The following MYBBP1A variants were observed in gnomAD, a reference collection of about 807,000 sequenced individuals.
MYBBP1A encodes the protein myb-binding protein 1A.
Under a neutral mutation model 136.3 loss-of-function variants are expected in MYBBP1A, and 147 were observed. The observed-to-expected ratio is 1.08, with a 90% CI of 0.94 to 1.24. The LOEUF (loss-of-function observed/expected upper bound fraction) is 1.24. Among genes scored for constraint, MYBBP1A ranks in the 50% most tolerant of loss-of-function variants. The pLI is 0.00. For synonymous variants in MYBBP1A, 947 were observed against 735.8 expected, an observed-to-expected ratio of 1.29 and a Z score of -4.65; for missense variants, 2,060 against 1,727.4, an observed-to-expected ratio of 1.19 and a Z score of -3.41.
In MYBBP1A at chr17:4,544,490, T is replaced by C; in HGVS notation, c.2638A>G (p.Thr880Ala). The C allele has an allele frequency of 6.5e-7, 1 of 1,549,076 alleles. No individual in the cohort carries two copies. Among genetic ancestry groups the C allele is most frequent in the Non-Finnish European group, 8.7e-7 (1 of 1,147,632 alleles). ...CCCGCCCTGCACCCCCGTGCTCACG[T>C]GAAGATGCGCGCCGTCTTGTGCAGA... ...DLLHKTARIFTHHLCRARRYC... is the reference protein window; with the variant it reads ...DLLHKTARIFAHHLCRARRYC... The change falls in exon 19 of 26, where the codon ACG becomes GCG. Residue 880 changes from threonine to alanine, a missense_variant and splice_region_variant. Transcript: ENST00000254718.
intron 19 of MYBBP1A, among the ~76,000 whole-genome samples, chr17:4,543,918 C>A (rs1567606031): frequency 6.6e-6 from 1 of 152,162 alleles, no homozygotes; most frequent in African/African-American, 2.4e-5. Context: ...CTGATAATGC[C>A]TCTGTGGCCT....
At chr17:4,542,845 G>A (rs562007027) in intron 20 of MYBBP1A, 68 bp downstream of exon 20, 2 of 1,604,186 alleles carry the variant, frequency 1.2e-6, no homozygotes, top group Non-Finnish European at 1.7e-6. Context: ...TGGGCCCTGG[G>A]GAAGTCCCGG....
At position 4,547,870 on chromosome 17, in the gene MYBBP1A, C is replaced by G. The variant is rs746759440; in HGVS notation, c.1824+88G>C. ...CTCCCCCAGAACCTTTCCTGGAAAC[C>G]CGCACAGCCCTCAAAAGCCTCTCGG... On this transcript the variant is annotated intron_variant, in intron 13 of 25. Coordinates refer to ENST00000254718, the MANE Select transcript of MYBBP1A (RefSeq NM_014520.4). 5.0e-5 allele frequency: 59 copies of G among 1,177,454 alleles called. 1 individual carries two copies. The highest frequency in any genetic ancestry group is 6.1e-5 in the Non-Finnish European group (53 of 871,038). 72.9% of individuals were successfully genotyped at this position (1,177,454 alleles called of 1,614,324 possible). A position where few individuals can be genotyped will look rare whatever the true frequency, so the allele number is the denominator to read the frequency against.
At chr17:4,542,075 T>A (rs1005708761) in intron 22 of MYBBP1A, 184 bp from the exon 23 acceptor site, 5 of 601,662 alleles carry the variant, frequency 8.3e-6, no homozygotes, top group South Asian at 2.0e-5. Context: ...CACCAAGGCC[T>A]CCCAGCTGGA....
At chr17:4,555,069 C>T (rs550034053) in intron 1 of MYBBP1A, 58 bp downstream of exon 1, 6 of 1,570,914 alleles carry the variant, frequency 3.8e-6, no homozygotes, top group African/African-American at 1.3e-5. Context: ...TCCCTGGGCC[C>T]GCCGCCGCTT....
chr17:4,544,680 G>A (rs746117192), intron 18 of MYBBP1A, 34 bp from the exon 19 acceptor site: 3 of 1,465,614 alleles, frequency 2.0e-6, no homozygotes, highest in Admixed American at 4.0e-5. Flanking sequence ...CAACACGGGG[G>A]TGGGCGCACA....
rs1024999298 is a variant in MYBBP1A at position 4,548,841 on chromosome 17, G to A, written c.1431-192C>T. On this transcript the variant is annotated intron_variant, in intron 10 of 25. Coordinates refer to ENST00000254718, the MANE Select transcript of MYBBP1A (RefSeq NM_014520.4). The surrounding 1 kb of genome is among the most constrained non-coding windows in gnomAD (Gnocchi z 4.2). Reference sequence around the variant, plus strand: ...GGCTGGGCTAGGATGGGAAGGGGCCGTTTCTCTGCTCTGGATCCCCAGCTG... The same window carrying A: ...GGCTGGGCTAGGATGGGAAGGGGCCATTTCTCTGCTCTGGATCCCCAGCTG... Among the ~76,000 whole-genome samples the A allele has an allele frequency of 5.3e-5, 8 of 152,216 alleles. No homozygotes were observed. The highest frequency in any genetic ancestry group is 2.1e-4 in the South Asian group (1 of 4,836).
rs754750804 is a variant in MYBBP1A at position 4,548,967 on chromosome 17, G to A, written c.1431-318C>T. Among the ~76,000 whole-genome samples the A allele has an allele frequency of 9.2e-5, 14 of 152,254 alleles. No homozygotes were observed. Among genetic ancestry groups the A allele is most frequent in the South Asian group, 2.1e-4 (1 of 4,834 alleles). On this transcript the variant is annotated intron_variant, in intron 10 of 25. Transcript: ENST00000254718. The surrounding 1 kb of genome is among the most constrained non-coding windows in gnomAD (Gnocchi z 4.2). ...GGCCAAGTCAGGTCACTGCTCCTGC[G>A]AACATGGGACAGCCCCCTCTTGCAA...
chr17:4,544,451 G>A, intron 19 of MYBBP1A, 38 bp downstream of exon 19: 1 of 1,541,152 alleles, frequency 6.5e-7, no homozygotes, highest in African/African-American at 1.4e-5. Context: ...CCTGGGGGCT[G>A]CCGGCCACAC....
At chr17:4,547,880 C>G in intron 13 of MYBBP1A, 78 bp downstream of exon 13, 1 of 1,277,066 alleles carries the variant, frequency 7.8e-7, no homozygotes, top group Non-Finnish European at 1.0e-6. Flanking sequence ...CCGCACAGCC[C>G]TCAAAAGCCT....
In MYBBP1A at chr17:4,548,326, G is replaced by A. The variant is rs768643553; in HGVS notation, c.1557-16C>T. The A allele has an allele frequency of 2.2e-5, 35 of 1,610,476 alleles. No homozygotes were observed. Among genetic ancestry groups the A allele is most frequent in the Non-Finnish European group, 2.7e-5 (32 of 1,179,268 alleles). On this transcript the variant is annotated splice_polypyrimidine_tract_variant and intron_variant, in intron 11 of 25. Coordinates refer to ENST00000254718, the MANE Select transcript of MYBBP1A (RefSeq NM_014520.4). This position sits in a 1 kb window ranked among gnomAD's most constrained non-coding sequence, Gnocchi z 4.2. The stretch of plus-strand genomic sequence containing the variant: ...CTGCAACAGACTGGGCAAGGGATGG[G>A]GCTTGGGGTCAGCAGACCAGATGAG...
rs551245091 is a variant in MYBBP1A, at chr17:4,551,904, G to A, written c.999C>T (p.Tyr333=). The A allele has an allele frequency of 5.5e-5, 89 of 1,613,432 alleles. No individual in the cohort carries two copies. The Middle Eastern group carries it at 1.8e-3, about 33-fold the overall frequency. ...CCTTAGCAGTGCACACGTGCTCCCC[G>A]TAATGGCGGATCACGTCTCCCTGCA... ...LVMQGDVIRH[Y]GEHVCTAKLP... Residue 333 remains tyrosine (Y), a synonymous_variant, in exon 8 of 26, where the codon TAC becomes TAT. Transcript: ENST00000254718.
chr17:4,554,930 C>T lies in MYBBP1A; in HGVS notation c.225G>A (p.Lys75=), dbSNP rs1353873634. Residue 75 remains lysine, a synonymous_variant, in exon 2 of 26, where the codon AAG becomes AAA. Transcript: ENST00000254718. ...CGACCCCGAGTCCCGTGATTAGACG[C>T]TTCAGGGCATATTTCATCTCGGACC... ...PKGSEMKYAL[K]RLITGLGVGR... 61 of 1,613,458 alleles carry T rather than the reference C, an allele frequency of 3.8e-5. No individual in the cohort carries two copies. The highest frequency in any genetic ancestry group is 5.1e-5 in the Non-Finnish European group (60 of 1,180,030).
chr17:4,549,995 G>C (rs115598496), intron 9 of MYBBP1A, 63 bp downstream of exon 9: 3 of 1,529,958 alleles, frequency 2.0e-6, no homozygotes, highest in African/African-American at 1.4e-5. Flanking sequence ...CTTGGGTCGC[G>C]GGGCTCTGCA....
At chr17:4,542,814 C>G in intron 20 of MYBBP1A, 73 bp from the exon 21 acceptor site, 20 of 1,601,392 alleles carry the variant, frequency 1.2e-5, no homozygotes, top group Non-Finnish European at 1.7e-5. Flanking sequence ...CCTGGCCTAC[C>G]TTCATCAGAA....
chr17:4,540,499 A>G lies in MYBBP1A; in HGVS notation c.3298-15T>C, dbSNP rs757205407. On this transcript the variant is annotated splice_polypyrimidine_tract_variant and intron_variant, in intron 24 of 25. Transcript: ENST00000254718. ...AAGGTCAGCTTCTGCAGAGGGTGGG[A>G]AGGCAGAGCTGTGGGGCCACAGAGG... The G allele has an allele frequency of 6.9e-6, 11 of 1,599,374 alleles. No individual in the cohort carries two copies. Among genetic ancestry groups the G allele is most frequent in the African/African-American group, 2.7e-5 (2 of 74,816 alleles).
intron 5 of MYBBP1A, among the ~76,000 whole-genome samples, chr17:4,553,032 G>A (rs1907674951): frequency 6.6e-6 from 1 of 152,166 alleles, no homozygotes; most frequent in African/African-American, 2.4e-5. Flanking sequence ...ATGTTGGCCA[G>A]GCTGGTCTTG....
Position 4,555,354 on chromosome 17 carries a change from C to T in MYBBP1A, c.-30G>A, listed in dbSNP as rs770590170. 4 of 1,571,332 alleles carry T rather than the reference C, an allele frequency of 2.5e-6. No individual in the cohort carries two copies. Among genetic ancestry groups the T allele is most frequent in the East Asian group, 2.3e-5 (1 of 42,834 alleles). On this transcript the variant is annotated 5_prime_UTR_variant, in exon 1 of 26. The change creates a new upstream start codon in the 5' untranslated region. Transcript: ENST00000254718. ...GCCACACTCACCGAAACACGAAACA[C>T]GTGTGCTCCGGCCCCAGCCGCTTCC...
chr17:4,550,627 G>A (rs529115782), intron 8 of MYBBP1A, among the ~76,000 whole-genome samples: 9 of 152,394 alleles, frequency 5.9e-5, no homozygotes, highest in Admixed American at 3.3e-4. Context: ...GACTGCCCCA[G>A]CTTCAGCACC....
Sources: gnomAD v4.1 joint callset for allele counts (sites outside exome capture counted in the v4.1 genomes callset) on GRCh38, gnomAD v4.1.1 for gene constraint, Gnocchi (gnomAD v3.1) non-coding constraint, MANE v1.5 for transcripts, NCBI Gene and HGNC (gene_info 2026-07-23, HGNC 2026-07-21) for gene names.